Variants in VSTM2A observed in about 807,000 individuals in gnomAD.
VSTM2A encodes the protein V-set and transmembrane domain containing 2A.
A neutral mutation model predicts 27.3 loss-of-function variants in VSTM2A; 13 were observed. The ratio of observed to expected loss-of-function variants is 0.48; its 90% CI spans 0.31 to 0.76. The LOEUF (loss-of-function observed/expected upper bound fraction) is 0.76, where lower values mean the gene tolerates loss of function less well. Among genes scored for constraint, VSTM2A ranks in the 30% least tolerant of loss-of-function variants. VSTM2A has a pLI of 0.05. For missense variants in VSTM2A, 280 were observed against 310.0 expected (o/e 0.90, Z 0.73); for synonymous variants, 142 against 125.7 (o/e 1.13, Z -0.87).
At position 54,566,058 on chromosome 7, in the gene VSTM2A, A is replaced by G. The variant is rs1025505572; in HGVS notation, c.635-3073A>G. On this transcript the variant is annotated intron_variant, in intron 4 of 4. Coordinates refer to ENST00000402613, the MANE Select transcript of VSTM2A (RefSeq NM_001301009.2). ...GAGAAAACACCTCCTCTGCCTTACAAAGACGGGGGAATTACAGTCGCAAGA... is the reference window on the plus strand; with the variant it reads ...GAGAAAACACCTCCTCTGCCTTACAGAGACGGGGGAATTACAGTCGCAAGA... Among the ~76,000 whole-genome samples the G allele has an allele frequency of 4.6e-5, 7 of 152,204 alleles. No individual in the cohort carries two copies. The South Asian group carries it at 1.4e-3, about 31-fold the overall frequency.
intron 4 of VSTM2A, among the ~76,000 whole-genome samples, chr7:54,554,326 T>G (rs1282521701): frequency 6.6e-6 from 1 of 152,138 alleles, no homozygotes; most frequent in East Asian, 1.9e-4. Context: ...AATATAGTTC[T>G]TTTCCCATTG....
intron 3 of VSTM2A, among the ~76,000 whole-genome samples, chr7:54,548,985 C>A (rs1788093608): frequency 6.7e-6 from 1 of 150,352 alleles, no homozygotes; most frequent in Non-Finnish European, 1.5e-5. Flanking sequence ...TGTATTAAAC[C>A]TAACTGTTCT....
intron 4 of VSTM2A, chr7:54,558,022 G>A (rs1788427802): frequency 6.6e-6 from 1 of 151,984 alleles, no homozygotes; most frequent in Non-Finnish European, 1.5e-5. Flanking sequence ...CAACATATTA[G>A]CCACCAGCTG....
intron 4 of VSTM2A, among the ~76,000 whole-genome samples, chr7:54,566,062 C>T (rs987619125): frequency 3.9e-5 from 6 of 152,132 alleles, no homozygotes; most frequent in African/African-American, 7.2e-5. Flanking sequence ...CTTACAAAGA[C>T]GGGGGAATTA....
intron 4 of VSTM2A, among the ~76,000 whole-genome samples, chr7:54,561,994 G>A (rs1048240650): frequency 3.3e-5 from 5 of 151,784 alleles, no homozygotes; most frequent in African/African-American, 4.8e-5. Flanking sequence ...GCGTGATCTC[G>A]GCTCACTGCA....
chr7:54,558,036 T>C (rs373754806), intron 4 of VSTM2A: 1 of 152,210 alleles, frequency 6.6e-6, no homozygotes, highest in African/African-American at 2.4e-5. Context: ...CCAGCTGTCT[T>C]GCCCAAGGTT....
rs187728250 is a variant in VSTM2A at position 54,570,714 on chromosome 7, A to G, written c.*1495A>G. On this transcript the variant is annotated 3_prime_UTR_variant, in exon 5 of 5. Coordinates refer to ENST00000402613, the MANE Select transcript of VSTM2A (RefSeq NM_001301009.2). ...ATAGGCAGAACTATTAGTGTTCCAT[A>G]TACATTATGGAATAGATAAAGCTTG... 13 of 152,284 alleles carry G rather than the reference A, an allele frequency of 8.5e-5. No homozygotes were observed. The highest frequency in any genetic ancestry group is 6.5e-4 in the Admixed American group (10 of 15,300). 9.4% of individuals were successfully genotyped at this position (152,284 alleles called of 1,614,324 possible).
At chr7:54,547,763 A>G (rs566672661) in intron 3 of VSTM2A, among the ~76,000 whole-genome samples, 25 of 152,300 alleles carry the variant, frequency 1.6e-4, no homozygotes, top group Non-Finnish European at 2.8e-4. Flanking sequence ...TATTGTTATT[A>G]TTTGTTTTTA....
rs1788821815 is a variant in VSTM2A at position 54,569,331 on chromosome 7, A to C, written c.*112A>C. 1 of 1,490,320 alleles carries C rather than the reference A, an allele frequency of 6.7e-7. No individual in the cohort carries two copies. Among genetic ancestry groups the C allele is most frequent in the Admixed American group, 2.4e-5 (1 of 41,458 alleles). 92.3% of individuals were successfully genotyped at this position (1,490,320 alleles called of 1,614,324 possible). Reference sequence around the variant, plus strand: ...ACTGATCTTTTATTTTAAGAGAATTAACGTGAAGTGATAGAACGTTTTCTA... The same window carrying C: ...ACTGATCTTTTATTTTAAGAGAATTCACGTGAAGTGATAGAACGTTTTCTA... On this transcript the variant is annotated 3_prime_UTR_variant, in exon 5 of 5. Coordinates refer to ENST00000402613, the MANE Select transcript of VSTM2A (RefSeq NM_001301009.2).
Position 54,562,026 on chromosome 7 carries a change from A to G in VSTM2A, c.635-7105A>G, listed in dbSNP as rs1439831904. ...TGCAAGCTCCACCTCCCGGGTTCAAACAGTTCTCTGCATCAGCCTCGCAAG... is the reference window on the plus strand; with the variant it reads ...TGCAAGCTCCACCTCCCGGGTTCAAGCAGTTCTCTGCATCAGCCTCGCAAG... On this transcript the variant is annotated intron_variant, in intron 4 of 4. Transcript: ENST00000402613. 3.3e-5 allele frequency among the ~76,000 whole-genome samples: 5 copies of G among 152,022 alleles called. No homozygotes were observed. The East Asian group carries it at 9.7e-4, about 29-fold the overall frequency.
rs1788849893 is a variant in VSTM2A at position 54,570,231 on chromosome 7, A to C, written c.*1012A>C. ...AGTCTCTTGACTGTGAAGAATGTACACTGTCTGGTTTTGACAGCTATTTCT... is the reference window on the plus strand; with the variant it reads ...AGTCTCTTGACTGTGAAGAATGTACCCTGTCTGGTTTTGACAGCTATTTCT... On this transcript the variant is annotated 3_prime_UTR_variant, in exon 5 of 5. Coordinates refer to ENST00000402613, the MANE Select transcript of VSTM2A (RefSeq NM_001301009.2). The C allele has an allele frequency of 6.6e-6, 1 of 152,174 alleles. No individual in the cohort carries two copies. Among genetic ancestry groups the C allele is most frequent in the East Asian group, 1.9e-4 (1 of 5,204 alleles). 9.4% of individuals were successfully genotyped at this position (152,174 alleles called of 1,614,324 possible). A position where few individuals can be genotyped will look rare whatever the true frequency, so the allele number is the denominator to read the frequency against.
chr7:54,555,758 A>T (rs775037317), intron 4 of VSTM2A, among the ~76,000 whole-genome samples: 3 of 152,204 alleles, frequency 2.0e-5, no homozygotes, highest in Non-Finnish European at 4.4e-5. Flanking sequence ...GCCCTGAACA[A>T]GTGGGGCTCA....
At chr7:54,553,868 G>T (rs1562709705) in intron 4 of VSTM2A, 2 of 1,551,046 alleles carry the variant, frequency 1.3e-6, no homozygotes, top group Non-Finnish European at 1.7e-6. Flanking sequence ...CTCATCCAGT[G>T]TCTCCAATCC....
intron 4 of VSTM2A, among the ~76,000 whole-genome samples, chr7:54,563,132 A>G (rs1336796504): frequency 6.6e-6 from 1 of 152,172 alleles, no homozygotes; most frequent in Non-Finnish European, 1.5e-5. Flanking sequence ...TGCCAAAGCC[A>G]TTCATATCTC....
rs757443601 is a variant in VSTM2A at position 54,549,925 on chromosome 7, C to T, written c.389C>T (p.Thr130Ile). 4 of 1,613,804 alleles carry T rather than the reference C, an allele frequency of 2.5e-6. No homozygotes were observed. The highest frequency in any genetic ancestry group is 3.4e-6 in the Non-Finnish European group (4 of 1,179,870). ...GAAGGCTTATATGAGTGCAGGGTGA[C>T]TGATGCCAACTACGGGGAGCTTCAG... is the stretch of plus-strand genomic sequence containing the variant. ...KDEGLYECRV[T>I]DANYGELQEH... Residue 130 changes from threonine (T) to isoleucine (I), a missense_variant, in exon 4 of 5, where the codon ACT (threonine) becomes ATT (isoleucine). Thr to Ile is a moderately conservative substitution (Grantham distance 89). Coordinates refer to ENST00000402613, the MANE Select transcript of VSTM2A (RefSeq NM_001301009.2).
intron 4 of VSTM2A, among the ~76,000 whole-genome samples, chr7:54,552,945 C>A (rs915446814): frequency 6.6e-6 from 1 of 152,318 alleles, no homozygotes; most frequent in Admixed American, 6.5e-5. Flanking sequence ...ACACTCACCT[C>A]TTAATTGATA....
chr7:54,545,512 G>A (rs1446119410), intron 2 of VSTM2A, among the ~76,000 whole-genome samples: 1 of 130,630 alleles, frequency 7.7e-6, no homozygotes, highest in Non-Finnish European at 1.6e-5. Context: ...GAGAGGGACA[G>A]AGAGAAGGGA....
intron 2 of VSTM2A, among the ~76,000 whole-genome samples, chr7:54,545,958 T>TGA (rs56249563): frequency 0.67 from 38,078 of 57,166 alleles, 13,509 homozygotes; most frequent in African/African-American, 0.91. Flanking sequence ...GCAGAGAGAA[T>TGA]GAGGGGGAAG....
At chr7:54,557,703 T>C (rs1447991395) in intron 4 of VSTM2A, 5 of 152,206 alleles carry the variant, frequency 3.3e-5, no homozygotes, top group African/African-American at 1.2e-4. Flanking sequence ...AAGGAAATGA[T>C]GTACATATGA....
Sources: allele counts gnomAD v4.1 joint callset (sites outside exome capture counted in the v4.1 genomes callset), GRCh38; gene constraint gnomAD v4.1.1; transcripts MANE v1.5; gene names NCBI Gene and HGNC (gene_info 2026-07-23, HGNC 2026-07-21).